The following BACE2 variants were observed in gnomAD, a reference collection of about 807,000 sequenced individuals.
The protein encoded by BACE2 is 56 kDa aspartic-like protease.
BACE2 carries 17 observed loss-of-function variants against 46.2 expected under a neutral mutation model. That is an observed-to-expected ratio of 0.37 (90% CI 0.25 to 0.55). The LOEUF is 0.55. BACE2 is among the 20% of genes least tolerant of loss of function. BACE2 has a pLI of 0.82. For synonymous variants in BACE2, 277 were observed against 295.9 expected (o/e 0.94, Z 0.66); for missense variants, 595 against 698.1 (o/e 0.85, Z 1.66).
intron 8 of BACE2, among the ~76,000 whole-genome samples, chr21:41,262,095 A>C (rs1987952944): frequency 6.6e-6 from 1 of 152,196 alleles, no homozygotes; most frequent in Non-Finnish European, 1.5e-5. Flanking sequence ...ATGACTATGT[A>C]GACCACATGC....
chr21:41,238,631 T>C (rs1183468224), intron 3 of BACE2, among the ~76,000 whole-genome samples: 1 of 151,942 alleles, frequency 6.6e-6, no homozygotes, highest in Non-Finnish European at 1.5e-5. Context: ...CCATAAAAAA[T>C]GATGAGTTCA....
chr21:41,207,379 G>A (rs1335990718), intron 1 of BACE2, among the ~76,000 whole-genome samples: 1 of 152,148 alleles, frequency 6.6e-6, no homozygotes, highest in Non-Finnish European at 1.5e-5. Context: ...CTTAAAAGTG[G>A]TTGAGTGTGA....
chr21:41,248,103 C>A (rs1400027312), intron 6 of BACE2, among the ~76,000 whole-genome samples: 2 of 152,172 alleles, frequency 1.3e-5, no homozygotes, highest in Non-Finnish European at 2.9e-5. Flanking sequence ...GAGTGTTGTA[C>A]AAGGTGCAGC....
intron 8 of BACE2, among the ~76,000 whole-genome samples, chr21:41,264,842 A>G (rs1988028205): frequency 6.6e-6 from 1 of 152,174 alleles, no homozygotes; most frequent in African/African-American, 2.4e-5. Context: ...AGGTTAGCCA[A>G]GCATGGTGGA....
chr21:41,234,906 G>A (rs1270381688), intron 2 of BACE2, among the ~76,000 whole-genome samples: 1 of 152,060 alleles, frequency 6.6e-6, no homozygotes, highest in Non-Finnish European at 1.5e-5. Context: ...CCCATTGTCG[G>A]GAGATCTGCG....
chr21:41,258,409 C>A (rs754856015), intron 8 of BACE2, among the ~76,000 whole-genome samples: 1 of 152,196 alleles, frequency 6.6e-6, no homozygotes, highest in Non-Finnish European at 1.5e-5. Context: ...CTGGAAGCCT[C>A]AACTCAGACC....
intron 1 of BACE2, 112 bp from the exon 2 acceptor site, chr21:41,226,154 C>T (rs745860170): frequency 2.4e-4 from 191 of 782,438 alleles, no homozygotes; most frequent in Non-Finnish European, 3.6e-4. Context: ...TTTTTTTGTT[C>T]CAACTGATAA....
intron 7 of BACE2, among the ~76,000 whole-genome samples, chr21:41,256,730 C>G (rs1055222599): frequency 2.0e-5 from 3 of 152,224 alleles, no homozygotes; most frequent in African/African-American, 7.2e-5. Flanking sequence ...TCTCATGTCT[C>G]TCAAAATTGT....
intron 2 of BACE2, among the ~76,000 whole-genome samples, chr21:41,230,873 A>G (rs1372381576): frequency 6.6e-6 from 1 of 152,260 alleles, no homozygotes; most frequent in African/African-American, 2.4e-5. Context: ...TTAAATGTAC[A>G]TCTTTTTTAG....
chr21:41,171,906 T>C (rs944030446), intron 1 of BACE2, among the ~76,000 whole-genome samples: 2 of 152,254 alleles, frequency 1.3e-5, no homozygotes, highest in Non-Finnish European at 2.9e-5. Context: ...ATTTTAATCA[T>C]GGTGCATTCA....
Position 41,275,839 on chromosome 21 carries a change from A to C in BACE2, c.*215A>C, listed in dbSNP as rs1156244374. The C allele has an allele frequency of 7.6e-6, 5 of 659,510 alleles. No individual in the cohort carries two copies. Among genetic ancestry groups the C allele is most frequent in the African/African-American group, 7.2e-5 (4 of 55,236 alleles). The allele number at this position is 659,510 out of a possible 1,614,324, so 40.9% of individuals were successfully genotyped here. ...ACTTCCAAGAAAAATAATTAAAAAA[A>C]AAACTTCATTCTAAACCAAAACAGA... On this transcript the variant is annotated 3_prime_UTR_variant, in exon 9 of 9. Transcript: ENST00000330333.
At chr21:41,194,357 C>T (rs1985671610) in intron 1 of BACE2, among the ~76,000 whole-genome samples, 1 of 152,158 alleles carries the variant, frequency 6.6e-6, no homozygotes, top group Non-Finnish European at 1.5e-5. Context: ...AATGATTCCA[C>T]GTAACCTGAC....
chr21:41,255,944 A>T (rs1475466310), intron 7 of BACE2, among the ~76,000 whole-genome samples: 2 of 152,212 alleles, frequency 1.3e-5, no homozygotes, highest in African/African-American at 4.8e-5. Flanking sequence ...TCATATTTTG[A>T]AATTGCCCTG....
intron 8 of BACE2, among the ~76,000 whole-genome samples, chr21:41,264,141 G>A (rs1216341887): frequency 6.6e-6 from 1 of 151,562 alleles, no homozygotes; most frequent in Non-Finnish European, 1.5e-5. Context: ...TATTCATTGA[G>A]TCTTTTAAAA....
chr21:41,273,877 C>T (rs535060320), intron 8 of BACE2, among the ~76,000 whole-genome samples: 1 of 152,152 alleles, frequency 6.6e-6, no homozygotes, highest in African/African-American at 2.4e-5. Flanking sequence ...TGTCTGAAAT[C>T]TTCACAATTT....
intron 1 of BACE2, among the ~76,000 whole-genome samples, chr21:41,196,158 C>T (rs181208473): frequency 3.1e-3 from 473 of 152,056 alleles, no homozygotes; most frequent in African/African-American, 0.011. Flanking sequence ...ATTAGCCAGG[C>T]ATGGTGGTCC....
chr21:41,181,615 G>A (rs1272533614), intron 1 of BACE2: 1 of 167,100 alleles, frequency 6.0e-6, no homozygotes, highest in Non-Finnish European at 1.5e-5. Flanking sequence ...AAATGTTAGA[G>A]TTATGAGTGC....
chr21:41,192,989 T>C (rs1310032705), intron 1 of BACE2, among the ~76,000 whole-genome samples: 1 of 152,196 alleles, frequency 6.6e-6, no homozygotes, highest in African/African-American at 2.4e-5. Context: ...TCCCTGAATT[T>C]TAGTCATATT....
chr21:41,237,347 G>A (rs1393474433), intron 2 of BACE2, among the ~76,000 whole-genome samples, 166 bp from the exon 3 acceptor site: 2 of 152,180 alleles, frequency 1.3e-5, no homozygotes, highest in African/African-American at 2.4e-5. Flanking sequence ...TCAGGAGGCT[G>A]AGGCAGGAGA....
Sources: allele counts gnomAD v4.1 joint callset (sites outside exome capture counted in the v4.1 genomes callset), GRCh38; gene constraint gnomAD v4.1.1; transcripts MANE v1.5; gene names NCBI Gene and HGNC (gene_info 2026-07-23, HGNC 2026-07-21).